The following VAPB variants were observed in gnomAD, a reference collection of about 807,000 sequenced individuals.
The protein encoded by VAPB is VAMP associated protein B and C, also known as vesicle-associated membrane protein-associated protein B/C.
In VAPB, 7 loss-of-function variants were observed where a neutral mutation model predicts 25.6. That is an observed-to-expected ratio of 0.27 (90% CI 0.16 to 0.51). The LOEUF (loss-of-function observed/expected upper bound fraction) is 0.51. Among genes scored for constraint, VAPB ranks in the 20% least tolerant of loss-of-function variants. The pLI, the probability that VAPB is intolerant of heterozygous loss-of-function variation, is 0.97. For missense variants in VAPB, 266 were observed against 301.3 expected (o/e 0.88, Z 0.87); for synonymous variants, 112 against 109.2 (o/e 1.03, Z -0.16).
In VAPB at chr20:58,430,784, G is replaced by A. The variant is rs544455545; in HGVS notation, c.212-3818G>A. ...AAAGAAAGGGTTTCACCATGTTGGC[G>A]AGGCTGGTCTGGAACTCTTGACCTC... On this transcript the variant is annotated intron_variant, in intron 2 of 5. Coordinates refer to ENST00000475243, the MANE Select transcript of VAPB (RefSeq NM_004738.5). Among the ~76,000 whole-genome samples, 5 of 150,726 alleles carry A rather than the reference G, an allele frequency of 3.3e-5. No homozygotes were observed. In the South Asian group the frequency reaches 6.3e-4, roughly 19 times the overall value.
At chr20:58,402,797 G>A (rs1257754975) in intron 1 of VAPB, among the ~76,000 whole-genome samples, 1 of 152,108 alleles carries the variant, frequency 6.6e-6, no homozygotes, top group East Asian at 1.9e-4. Context: ...TTGAGGCCAG[G>A]AATTTGAGAT....
chr20:58,414,825 C>T (rs1043661485), intron 1 of VAPB, among the ~76,000 whole-genome samples: 257 of 152,212 alleles, frequency 1.7e-3, no homozygotes, highest in Non-Finnish European at 3.0e-3. Context: ...GACGGGGTGG[C>T]GGCCGGGCAG....
At chr20:58,390,677 G>A (rs777923152) in intron 1 of VAPB, among the ~76,000 whole-genome samples, 22 of 152,186 alleles carry the variant, frequency 1.4e-4, no homozygotes, top group Admixed American at 3.3e-4. Flanking sequence ...CGCTAGCACC[G>A]GACTCACAGT....
chr20:58,429,183 A>G (rs1210638117), intron 2 of VAPB, among the ~76,000 whole-genome samples: 1 of 152,130 alleles, frequency 6.6e-6, no homozygotes, highest in Non-Finnish European at 1.5e-5. Context: ...CTCAGATCAA[A>G]AACCTCCCAT....
chr20:58,430,668 C>A (rs1446851795), intron 2 of VAPB, among the ~76,000 whole-genome samples: 1 of 152,090 alleles, frequency 6.6e-6, no homozygotes, highest in Non-Finnish European at 1.5e-5. Context: ...CTCCACCTCG[C>A]AGGTTTAAGC....
chr20:58,396,992 TG>T (rs1162183801), intron 1 of VAPB, among the ~76,000 whole-genome samples: 1 of 152,214 alleles, frequency 6.6e-6, no homozygotes, highest in Non-Finnish European at 1.5e-5. Context: ...TAAAGGGGTT[TG>T]TTCTTGAGAG....
chr20:58,418,482 CCCCCACCCCACCCCA>C (rs1185763863), intron 2 of VAPB, 119 bp downstream of exon 2: 5 of 1,250,834 alleles, frequency 4.0e-6, no homozygotes, highest in East Asian at 2.7e-5. Context: ...CTCCACCCCA[CCCCCACCCCACCCCA>C]CCCCACCCCA....
At chr20:58,429,925 G>A (rs942776660) in intron 2 of VAPB, among the ~76,000 whole-genome samples, 4 of 146,980 alleles carry the variant, frequency 2.7e-5, no homozygotes, top group African/African-American at 5.0e-5. Context: ...AAATGAAGAC[G>A]CAGCTGGGCA....
At chr20:58,433,770 A>G (rs1988978897) in intron 2 of VAPB, among the ~76,000 whole-genome samples, 1 of 152,264 alleles carries the variant, frequency 6.6e-6, no homozygotes, top group African/African-American at 2.4e-5. Flanking sequence ...GTCCATGCCC[A>G]CTGTTGTGGT....
At chr20:58,389,601 C>G in intron 1 of VAPB, 84 bp downstream of exon 1, 1 of 1,443,902 alleles carries the variant, frequency 6.9e-7, no homozygotes, top group African/African-American at 1.5e-5. Context: ...CGGGTGACGT[C>G]GGCCCTCGTC....
chr20:58,446,124 T>TTC lies in VAPB; in HGVS notation c.*1890_*1891insCT, dbSNP rs769735051. On this transcript the variant is annotated 3_prime_UTR_variant, in exon 6 of 6. Coordinates refer to ENST00000475243, the MANE Select transcript of VAPB (RefSeq NM_004738.5). The stretch of plus-strand genomic sequence containing the variant: ...TCACAGAAATGGTGAACAGACTTAG[T>TTC]TGTTACCCAGGCACCCATGGATTGT... The TTC allele has an allele frequency of 1.8e-5, 8 of 454,048 alleles. No homozygotes were observed. Among genetic ancestry groups the TTC allele is most frequent in the South Asian group, 1.2e-4 (8 of 64,470 alleles). The allele number at this position is 454,048 out of a possible 1,614,324, so 28.1% of individuals were successfully genotyped here. A position where few individuals can be genotyped will look rare whatever the true frequency, so the allele number is the denominator to read the frequency against.
Position 58,438,996 on chromosome 20 carries a change from T to C in VAPB, c.367T>C (p.Phe123Leu). Residue 123 changes from phenylalanine (F) to leucine (L), a missense_variant, in exon 4 of 6, where the codon TTT becomes CTT. Around this residue, in one of 3 missense-constraint regions of VAPB, gnomAD observed 98 missense variants for 147.1 expected, o/e 0.67. Coordinates refer to ENST00000475243, the MANE Select transcript of VAPB (RefSeq NM_004738.5). ...DLMDSKLRCV[F>L]ELPAENDKPH... is the part of the protein sequence containing the mutation. ...TATGGATTCAAAACTTAGATGTGTGTTTGAATTGCCAGCAGAGAATGATAA... is the reference window on the plus strand; with the variant it reads ...TATGGATTCAAAACTTAGATGTGTGCTTGAATTGCCAGCAGAGAATGATAA... The C allele has an allele frequency of 1.9e-6, 3 of 1,613,946 alleles. No individual in the cohort carries two copies. The highest frequency in any genetic ancestry group is 2.5e-6 in the Non-Finnish European group (3 of 1,179,978).
intron 1 of VAPB, among the ~76,000 whole-genome samples, chr20:58,394,532 C>T (rs1335797974): frequency 1.3e-5 from 2 of 152,210 alleles, no homozygotes; most frequent in Non-Finnish European, 2.9e-5. Context: ...TTAGATCCAC[C>T]CTGAATAGAT....
intron 1 of VAPB, among the ~76,000 whole-genome samples, chr20:58,404,206 G>A (rs1169136572): frequency 6.6e-6 from 1 of 152,128 alleles, no homozygotes; most frequent in South Asian, 2.1e-4. Context: ...TGGCTCTCTA[G>A]ATCTTACGGA....
In VAPB at chr20:58,434,599, C is replaced by T; in HGVS notation, c.212-3C>T. 1.4e-6 allele frequency: 2 copies of T among 1,452,032 alleles called. No individual in the cohort carries two copies. Among genetic ancestry groups the T allele is most frequent in the East Asian group, 2.3e-5 (1 of 44,172 alleles). 89.9% of individuals were successfully genotyped at this position (1,452,032 alleles called of 1,614,324 possible). A position where few individuals can be genotyped will look rare whatever the true frequency, so the allele number is the denominator to read the frequency against. ...CCTCCTAATGAAATATTTTCTTTCT[C>T]AGTGATGTTACAGCCTTTCGATTAT... On this transcript the variant is annotated splice_region_variant and splice_polypyrimidine_tract_variant and intron_variant, in intron 2 of 5. Coordinates refer to ENST00000475243, the MANE Select transcript of VAPB (RefSeq NM_004738.5).
At chr20:58,439,102 A>G (rs1600816569) in intron 4 of VAPB, 77 bp downstream of exon 4, 15 of 1,392,788 alleles carry the variant, frequency 1.1e-5, no homozygotes, top group Non-Finnish European at 1.5e-5. Context: ...TGCAAAACCA[A>G]GATTTAAGTT....
intron 2 of VAPB, among the ~76,000 whole-genome samples, chr20:58,418,996 T>C (rs1032878692): frequency 1.3e-5 from 2 of 152,192 alleles, no homozygotes; most frequent in African/African-American, 4.8e-5. Context: ...AAATTGAGAA[T>C]TGGATTTCAG....
chr20:58,404,558 AGT>A lies in VAPB; in HGVS notation c.59-13649_59-13648del, dbSNP rs545281306. ...GGTAGTATACTGCCCAGGAGTTAAG[AGT>A]GTGAACCCTAGATTTGCCATCTGAA... is the stretch of plus-strand genomic sequence containing the variant. On this transcript the variant is annotated intron_variant, in intron 1 of 5. Coordinates refer to ENST00000475243, the MANE Select transcript of VAPB (RefSeq NM_004738.5). 1.4e-4 allele frequency among the ~76,000 whole-genome samples: 22 copies of A among 152,308 alleles called. No individual in the cohort carries two copies. In the East Asian group the frequency reaches 3.9e-3, roughly 27 times the overall value.
At chr20:58,411,230 C>T (rs1205404160) in intron 1 of VAPB, among the ~76,000 whole-genome samples, 1 of 152,230 alleles carries the variant, frequency 6.6e-6, no homozygotes, top group Non-Finnish European at 1.5e-5. Flanking sequence ...CATTCTAAAA[C>T]TCAACAATAA....
Sources: allele counts gnomAD v4.1 joint callset (sites outside exome capture counted in the v4.1 genomes callset), GRCh38; gene constraint gnomAD v4.1.1; regional missense constraint gnomAD v4.1.1; transcripts MANE v1.5; gene names NCBI Gene and HGNC (gene_info 2026-07-23, HGNC 2026-07-21).